CXCR4: variants seen among roughly 807,000 people sequenced by gnomAD.
CXCR4 encodes C-X-C chemokine receptor type 4.
Under a neutral mutation model 22.4 loss-of-function variants are expected in CXCR4, and 6 were observed. The observed-to-expected ratio is 0.27, with a 90% CI of 0.15 to 0.53. The LOEUF (loss-of-function observed/expected upper bound fraction) is 0.53, where lower values mean the gene tolerates loss of function less well. CXCR4 is among the 20% of genes least tolerant of loss of function. The probability of loss-of-function intolerance (pLI) is 0.96; values close to 1 mark genes in which losing one functional copy is unlikely to be tolerated. For synonymous variants in CXCR4, 155 were observed against 171.7 expected, an observed-to-expected ratio of 0.90 and a Z score of 0.76; for missense variants, 300 against 430.4, an observed-to-expected ratio of 0.70 and a Z score of 2.68.
intron 1 of CXCR4, among the ~76,000 whole-genome samples, chr2:136,116,756 C>T (rs1279337198): frequency 6.6e-6 from 1 of 152,168 alleles, no homozygotes; most frequent in East Asian, 1.9e-4. Context: ...CTCACTCTCC[C>T]GGGTGGCTTC....
At chr2:136,117,476 G>A (rs553675546) in intron 1 of CXCR4, 4 of 153,550 alleles carry the variant, frequency 2.6e-5, no homozygotes, top group Admixed American at 6.5e-5. Flanking sequence ...TGCCTACTGT[G>A]CTGGGAGACT....
intron 1 of CXCR4, 192 bp downstream of exon 1, chr2:136,117,854 A>C (rs1216306182): frequency 4.1e-6 from 2 of 483,116 alleles, no homozygotes; most frequent in African/African-American, 2.1e-5. Flanking sequence ...ACAGAGAAAA[A>C]GATTCCAATC....
chr2:136,114,726 C>T lies in CXCR4; in HGVS notation c.*143G>A, dbSNP rs1304732260. 6.5e-6 allele frequency: 5 copies of T among 766,824 alleles called. No individual in the cohort carries two copies. The highest frequency in any genetic ancestry group is 1.0e-5 in the Non-Finnish European group (5 of 488,938). The allele number at this position is 766,824 out of a possible 1,614,324, so 47.5% of individuals were successfully genotyped here. The stretch of plus-strand genomic sequence containing the variant: ...AATTTATATAAATAAGTCAATTAAA[C>T]TTCACAAAAACTAAAGAAACACAAG... On this transcript the variant is annotated 3_prime_UTR_variant, in exon 2 of 2. Coordinates refer to ENST00000241393, the MANE Select transcript of CXCR4 (RefSeq NM_003467.3).
At position 136,118,065 on chromosome 2, in the gene CXCR4, A is replaced by G. The variant is rs772461295; in HGVS notation, c.-5T>C. The G allele has an allele frequency of 1.1e-5, 17 of 1,613,828 alleles. No individual in the cohort carries two copies. The highest frequency in any genetic ancestry group is 1.4e-5 in the Non-Finnish European group (17 of 1,179,804). ...ACTTACACTGATCCCCTCCATGGTA[A>G]CCGCTGGTTCTCCAGATGCGGTGGC... On this transcript the variant is annotated 5_prime_UTR_variant, in exon 1 of 2. Transcript: ENST00000241393.
chr2:136,116,966 G>C (rs963989838), intron 1 of CXCR4, among the ~76,000 whole-genome samples: 2 of 152,242 alleles, frequency 1.3e-5, no homozygotes, highest in African/African-American at 4.8e-5. Flanking sequence ...GGGTGCTGGG[G>C]AGCGACTGGG....
At position 136,118,068 on chromosome 2, in the gene CXCR4, G is replaced by A. The variant is rs1452190818; in HGVS notation, c.-8C>T. ...TACACTGATCCCCTCCATGGTAACC[G>A]CTGGTTCTCCAGATGCGGTGGCTAC... is the stretch of plus-strand genomic sequence containing the variant. On this transcript the variant is annotated 5_prime_UTR_variant, in exon 1 of 2. Coordinates refer to ENST00000241393, the MANE Select transcript of CXCR4 (RefSeq NM_003467.3). 2 of 1,613,510 alleles carry A rather than the reference G, an allele frequency of 1.2e-6. No individual in the cohort carries two copies. The highest frequency in any genetic ancestry group is 4.5e-5 in the East Asian group (2 of 44,870).
intron 1 of CXCR4, among the ~76,000 whole-genome samples, chr2:136,116,749 ACT>A (rs1317482944): frequency 6.6e-6 from 1 of 150,584 alleles, no homozygotes; most frequent in Non-Finnish European, 1.5e-5. Context: ...TCATTTCCTC[ACT>A]CTCCCGGGTG....
chr2:136,116,399 G>T (rs2104919201), intron 1 of CXCR4, among the ~76,000 whole-genome samples: 1 of 151,712 alleles, frequency 6.6e-6, no homozygotes, highest in South Asian at 2.1e-4. Flanking sequence ...ATCACGGGGG[G>T]AGGGCGGGGG....
In CXCR4 at chr2:136,115,028, G is replaced by A. The variant is rs761255687; in HGVS notation, c.900C>T (p.Ile300=). 6.2e-7 allele frequency: 1 copy of A among 1,614,082 alleles called. No homozygotes were observed. The highest frequency in any genetic ancestry group is 8.5e-7 in the Non-Finnish European group (1 of 1,180,058). ...ATTTGGCTCCAAGGAAAGCATAGAG[G>A]ATGGGGTTCAGACAACAGTGGAAGA... ...LAFFHCCLNP[I]LYAFLGAKFK... Residue 300 remains isoleucine (I), a synonymous_variant, in exon 2 of 2, where the codon ATC becomes ATT. Coordinates refer to ENST00000241393, the MANE Select transcript of CXCR4 (RefSeq NM_003467.3). The surrounding 1 kb of genome is among the most constrained non-coding windows in gnomAD (Gnocchi z 6.4).
rs1397762931 is a variant in CXCR4 at position 136,115,641 on chromosome 2, A to T, written c.287T>A (p.Val96Asp). Reference protein sequence around the residue: ...LFVITLPFWAVDAVANWYFGN... With the variant: ...LFVITLPFWADDAVANWYFGN... The stretch of plus-strand genomic sequence containing the variant: ...AAAGTACCAGTTTGCCACGGCATCA[A>T]CTGCCCAGAAGGGAAGCGTGATGAC... Residue 96 changes from valine (V) to aspartate (D), a missense_variant, in exon 2 of 2, where the codon GTT becomes GAT. Transcript: ENST00000241393. This position sits in a 1 kb window ranked among gnomAD's most constrained non-coding sequence, Gnocchi z 6.4. 4 of 1,614,206 alleles carry T rather than the reference A, an allele frequency of 2.5e-6. No individual in the cohort carries two copies. The highest frequency in any genetic ancestry group is 3.4e-6 in the Non-Finnish European group (4 of 1,180,024).
Position 136,115,667 on chromosome 2 carries a change from A to T in CXCR4, c.261T>A (p.Phe87Leu). Reference sequence around the variant, plus strand: ...CTGCCCAGAAGGGAAGCGTGATGACAAAGAGGAGGTCGGCCACTGACAGGT... The same window carrying T: ...CTGCCCAGAAGGGAAGCGTGATGACTAAGAGGAGGTCGGCCACTGACAGGT... ...RLHLSVADLL[F>L]VITLPFWAVD... is the part of the protein sequence containing the mutation. The change falls in exon 2 of 2, where the codon TTT becomes TTA. Residue 87 changes from phenylalanine to leucine, a missense_variant. Transcript: ENST00000241393. The surrounding 1 kb of genome is among the most constrained non-coding windows in gnomAD (Gnocchi z 6.4). 1 of 1,614,222 alleles carries T rather than the reference A, an allele frequency of 6.2e-7. No homozygotes were observed. The highest frequency in any genetic ancestry group is 8.5e-7 in the Non-Finnish European group (1 of 1,180,030).
Position 136,115,343 on chromosome 2 carries a change from C to G in CXCR4, c.585G>C (p.Trp195Cys). 3 of 1,614,126 alleles carry G rather than the reference C, an allele frequency of 1.9e-6. No individual in the cohort carries two copies. Among genetic ancestry groups the G allele is most frequent in the Non-Finnish European group, 2.5e-6 (3 of 1,180,020 alleles). Residue 195 changes from tryptophan (W) to cysteine (C), a missense_variant, in exon 2 of 2, where the codon TGG becomes TGC. By Grantham distance (215) the Trp-to-Cys change is radical. Around this residue, in one of 3 missense-constraint regions of CXCR4, gnomAD observed 137 missense variants for 153.2 expected, o/e 0.89. Transcript: ENST00000241393. The surrounding 1 kb of genome is among the most constrained non-coding windows in gnomAD (Gnocchi z 6.4). Reference protein sequence around the residue: ...ICDRFYPNDLWVVVFQFQHIM... With the variant: ...ICDRFYPNDLCVVVFQFQHIM... ...TGTGCTGAAACTGGAACACAACCAC[C>G]CACAAGTCATTGGGGTAGAAGCGGT...
At chr2:136,117,675 A>T (rs1684951232) in intron 1 of CXCR4, 2 of 210,178 alleles carry the variant, frequency 9.5e-6, no homozygotes, top group Non-Finnish European at 1.9e-5. Context: ...TTCCCCAAGG[A>T]AGAGACCGGT....
At chr2:136,117,574 CGGG>C in intron 1 of CXCR4, 1 of 160,330 alleles carries the variant, frequency 6.2e-6, no homozygotes, top group East Asian at 1.9e-4. Context: ...GAAGTTAAAG[CGGG>C]CGCAATCTCC....
chr2:136,115,368 T>C lies in CXCR4; in HGVS notation c.560A>G (p.Asp187Gly), dbSNP rs2104916956. The C allele has an allele frequency of 6.2e-7, 1 of 1,614,152 alleles. No individual in the cohort carries two copies. Among genetic ancestry groups the C allele is most frequent in the Non-Finnish European group, 8.5e-7 (1 of 1,180,040 alleles). The change falls in exon 2 of 2, where the codon GAC (aspartate) becomes GGC (glycine). Residue 187 changes from aspartate (D) to glycine (G), a missense_variant. By Grantham distance (94) the Asp-to-Gly change is moderately conservative. Coordinates refer to ENST00000241393, the MANE Select transcript of CXCR4 (RefSeq NM_003467.3). The surrounding 1 kb of genome is among the most constrained non-coding windows in gnomAD (Gnocchi z 6.4). ...CCACAAGTCATTGGGGTAGAAGCGG[T>C]CACAGATATATCTGTCATCTGCCTC... ...VSEADDRYIC[D>G]RFYPNDLWVV...
chr2:136,116,247 T>G, intron 1 of CXCR4: 1 of 1,194,884 alleles, frequency 8.4e-7, no homozygotes, highest in Non-Finnish European at 1.1e-6. Context: ...AAAAAAACCT[T>G]CCTTAGGAGG....
At chr2:136,117,803 C>T (rs1573616950) in intron 1 of CXCR4, 3 of 516,870 alleles carry the variant, frequency 5.8e-6, no homozygotes, top group Admixed American at 3.7e-5. Flanking sequence ...GAGACACATG[C>T]AGCCACTGGA....
intron 1 of CXCR4, chr2:136,117,532 G>T: frequency 6.4e-6 from 1 of 156,208 alleles, no homozygotes; most frequent in Non-Finnish European, 1.4e-5. Flanking sequence ...CACGCACCCA[G>T]TGTCAAGAAC....
chr2:136,117,842 T>A, intron 1 of CXCR4: 1 of 519,150 alleles, frequency 1.9e-6, no homozygotes, highest in Non-Finnish European at 3.4e-6. Flanking sequence ...TCTCCTCGAC[T>A]CACAGAGAAA....
Sources: gnomAD v4.1 joint callset for allele counts (sites outside exome capture counted in the v4.1 genomes callset) on GRCh38, gnomAD v4.1.1 for gene constraint, gnomAD v4.1.1 regional missense constraint, Gnocchi (gnomAD v3.1) non-coding constraint, MANE v1.5 for transcripts, NCBI Gene and HGNC (gene_info 2026-07-23, HGNC 2026-07-21) for gene names.